The following ERC1 variants were observed in gnomAD, a reference collection of about 807,000 sequenced individuals.
ERC1 encodes RAB6 interacting protein 2.
In ERC1, 56 loss-of-function variants were observed where a neutral mutation model predicts 132.0. The observed-to-expected ratio is 0.42, with a 90% CI of 0.34 to 0.53. ERC1 has a LOEUF of 0.53. ERC1 is among the 20% of genes least tolerant of loss of function. The probability of loss-of-function intolerance (pLI) is 0.03; values close to 1 mark genes in which losing one functional copy is unlikely to be tolerated. For missense variants in ERC1, 1,202 were observed against 1,349.9 expected (o/e 0.89, Z 1.72); for synonymous variants, 478 against 476.1 (o/e 1.00, Z -0.05).
intron 15 of ERC1, among the ~76,000 whole-genome samples, chr12:1,318,413 G>A (rs529307739): frequency 1.3e-5 from 2 of 152,248 alleles, no homozygotes; most frequent in South Asian, 4.1e-4. Flanking sequence ...ACTGTTTTTG[G>A]ACTAAAATTT....
intron 16 of ERC1, among the ~76,000 whole-genome samples, chr12:1,387,687 G>A (rs952312484): frequency 3.9e-5 from 6 of 152,186 alleles, no homozygotes; most frequent in African/African-American, 1.4e-4. Flanking sequence ...GCCAAAAGAG[G>A]CAAGGAAGGA....
At chr12:1,176,491 C>T (rs886835758) in intron 8 of ERC1, among the ~76,000 whole-genome samples, 20 of 152,128 alleles carry the variant, frequency 1.3e-4, no homozygotes, top group African/African-American at 4.8e-4. Context: ...TGAACACTGG[C>T]CTCAACTTTC....
At chr12:1,409,928 C>G (rs2091744911) in intron 17 of ERC1, among the ~76,000 whole-genome samples, 1 of 152,026 alleles carries the variant, frequency 6.6e-6, no homozygotes, top group Non-Finnish European at 1.5e-5. Flanking sequence ...AGGCTGGTCT[C>G]AAACTCCTGA....
At chr12:1,243,855 T>G (rs2075991058) in intron 13 of ERC1, among the ~76,000 whole-genome samples, 1 of 152,224 alleles carries the variant, frequency 6.6e-6, no homozygotes. Flanking sequence ...GCCAGTTCTT[T>G]ATCCGAAGTG....
chr12:1,340,343 G>A (rs1265416946), intron 15 of ERC1, among the ~76,000 whole-genome samples: 1 of 152,108 alleles, frequency 6.6e-6, no homozygotes, highest in African/African-American at 2.4e-5. Flanking sequence ...AGCAAGTCAA[G>A]CCTAGGGAGA....
chr12:1,435,771 G>C (rs1046566601), intron 17 of ERC1, among the ~76,000 whole-genome samples: 1 of 152,106 alleles, frequency 6.6e-6, no homozygotes, highest in African/African-American at 2.4e-5. Flanking sequence ...GGCTGTTTCC[G>C]ATGTTAGCAT....
intron 12 of ERC1, among the ~76,000 whole-genome samples, chr12:1,215,252 C>T (rs181611857): frequency 1.1e-4 from 17 of 152,192 alleles, no homozygotes; most frequent in Non-Finnish European, 8.8e-5. Flanking sequence ...CATACTGTTG[C>T]TTTTTATCCA....
At chr12:1,463,343 C>T (rs181905183) in intron 18 of ERC1, among the ~76,000 whole-genome samples, 165 of 152,238 alleles carry the variant, frequency 1.1e-3, no homozygotes, top group African/African-American at 3.8e-3. Context: ...ATGGGTGTAT[C>T]GCTCAAGTAG....
chr12:1,160,219 T>A (rs980268191), intron 8 of ERC1, among the ~76,000 whole-genome samples: 2 of 152,224 alleles, frequency 1.3e-5, no homozygotes, highest in African/African-American at 4.8e-5. Flanking sequence ...CTGTATACTT[T>A]CGTATAGACA....
intron 7 of ERC1, among the ~76,000 whole-genome samples, chr12:1,128,261 A>G (rs1233902588): frequency 6.6e-6 from 1 of 152,214 alleles, no homozygotes; most frequent in Admixed American, 6.5e-5. Context: ...GAGAGTATAA[A>G]CTAAATGATT....
chr12:1,319,649 G>A (rs997970599), intron 15 of ERC1, among the ~76,000 whole-genome samples: 2 of 152,132 alleles, frequency 1.3e-5, no homozygotes, highest in African/African-American at 2.4e-5. Context: ...TTATTGTAAT[G>A]ATGTATTTCA....
intron 2 of ERC1, among the ~76,000 whole-genome samples, chr12:1,057,527 C>T (rs1973194273): frequency 7.1e-6 from 1 of 141,806 alleles, no homozygotes; most frequent in Non-Finnish European, 1.5e-5. Flanking sequence ...TTTTATTGTA[C>T]TTTTTTTTTA....
At chr12:1,238,575 A>G (rs1199772213) in intron 13 of ERC1, among the ~76,000 whole-genome samples, 1 of 152,110 alleles carries the variant, frequency 6.6e-6, no homozygotes, top group East Asian at 1.9e-4. Flanking sequence ...GTCTGTTTCT[A>G]GGATTTCAGT....
intron 2 of ERC1, among the ~76,000 whole-genome samples, chr12:1,050,054 A>G (rs376451986): frequency 6.6e-6 from 1 of 152,120 alleles, no homozygotes; most frequent in African/African-American, 2.4e-5. Context: ...ATGACATTTT[A>G]AAAGAATTGC....
chr12:990,747 G>A (rs2154122913), upstream of ERC1: 1 of 152,376 alleles, frequency 6.6e-6, no homozygotes, highest in East Asian at 1.9e-4. Flanking sequence ...TGCTCCCGCG[G>A]CGCTTGGCTG....
intron 15 of ERC1, among the ~76,000 whole-genome samples, chr12:1,343,596 G>C (rs1595122331): frequency 6.6e-6 from 1 of 152,268 alleles, no homozygotes; most frequent in South Asian, 2.1e-4. Context: ...GTGGTGGTTA[G>C]TGGCTCGGTG....
intron 2 of ERC1, among the ~76,000 whole-genome samples, chr12:1,050,754 C>T (rs965884273): frequency 5.9e-5 from 9 of 152,186 alleles, no homozygotes; most frequent in Non-Finnish European, 8.8e-5. Flanking sequence ...AAGGTCAGGC[C>T]GAGCACTTTG....
intron 14 of ERC1, 27 bp from the exon 15 acceptor site, chr12:1,289,825 T>C (rs1401058238): frequency 6.2e-7 from 1 of 1,604,604 alleles, no homozygotes; most frequent in Non-Finnish European, 8.5e-7. Flanking sequence ...AGACACTCTG[T>C]TGTTCTCTTT....
intron 16 of ERC1, among the ~76,000 whole-genome samples, chr12:1,382,388 G>A (rs1241893937): frequency 2.6e-5 from 4 of 152,228 alleles, no homozygotes; most frequent in African/African-American, 4.8e-5. Context: ...TCCAGCTCTC[G>A]TGACCATGTC....
Sources: allele counts gnomAD v4.1 joint callset (sites outside exome capture counted in the v4.1 genomes callset), GRCh38; gene constraint gnomAD v4.1.1; transcripts MANE v1.5; gene names NCBI Gene and HGNC (gene_info 2026-07-23, HGNC 2026-07-21).